MINAR1: variants seen among roughly 807,000 people sequenced by gnomAD.
The protein encoded by MINAR1 is major intrinsically disordered Notch2-binding receptor 1.
MINAR1 carries 40 observed loss-of-function variants against 65.1 expected under a neutral mutation model. The observed-to-expected ratio is 0.61, with a 90% confidence interval of 0.48 to 0.80. The LOEUF is 0.80. Among genes scored for constraint, MINAR1 ranks in the 30% least tolerant of loss-of-function variants. MINAR1 has a pLI of 0.00. For missense variants in MINAR1, 1,128 were observed against 1,148.0 expected (o/e 0.98, Z 0.25); for synonymous variants, 482 against 449.1 (o/e 1.07, Z -0.93).
rs892126486 is a variant in MINAR1 at position 79,469,547 on chromosome 15, A to G, written c.*1163A>G. ...TAACCACTTATCTATATGTCTATCT[A>G]TCTATCTATATGTCTATCTATCTAT... On this transcript the variant is annotated 3_prime_UTR_variant, in exon 4 of 4. Transcript: ENST00000305428. The G allele has an allele frequency of 1.3e-5, 2 of 151,596 alleles. No individual in the cohort carries two copies. Among genetic ancestry groups the G allele is most frequent in the African/African-American group, 4.9e-5 (2 of 40,886 alleles). 9.4% of individuals were successfully genotyped at this position (151,596 alleles called of 1,614,324 possible).
Position 79,456,780 on chromosome 15 carries a change from G to A in MINAR1, c.633G>A (p.Met211Ile), listed in dbSNP as rs1203811152. The A allele has an allele frequency of 6.2e-7, 1 of 1,614,086 alleles. No individual in the cohort carries two copies. The highest frequency in any genetic ancestry group is 1.3e-5 in the African/African-American group (1 of 74,928). ...TGACCAGCCCTCAGCCCTGTGAGAT[G>A]CAGAGGACCTACTTCCCCATGAACA... ...YSVTSPQPCE[M>I]QRTYFPMNIE... is the part of the protein sequence containing the mutation. The change falls in exon 2 of 4, where the codon ATG becomes ATA. Residue 211 changes from methionine to isoleucine, a missense_variant. Transcript: ENST00000305428.
chr15:79,471,336 T>G lies in MINAR1; in HGVS notation c.*2952T>G, dbSNP rs1170722140. ...GAAATTAAATATCCTTAACCAATGATTAAATTCATAATCATTTCATCTTCT... is the reference window on the plus strand; with the variant it reads ...GAAATTAAATATCCTTAACCAATGAGTAAATTCATAATCATTTCATCTTCT... On this transcript the variant is annotated 3_prime_UTR_variant, in exon 4 of 4. Coordinates refer to ENST00000305428, the MANE Select transcript of MINAR1 (RefSeq NM_015206.3). 6.5e-6 allele frequency: 1 copy of G among 152,682 alleles called. No individual in the cohort carries two copies. Among genetic ancestry groups the G allele is most frequent in the Non-Finnish European group, 1.5e-5 (1 of 68,048 alleles). 9.5% of individuals were successfully genotyped at this position (152,682 alleles called of 1,614,324 possible).
rs1895976239 is a variant in MINAR1 at position 79,468,991 on chromosome 15, A to T, written c.*607A>T. On this transcript the variant is annotated 3_prime_UTR_variant, in exon 4 of 4. Coordinates refer to ENST00000305428, the MANE Select transcript of MINAR1 (RefSeq NM_015206.3). The stretch of plus-strand genomic sequence containing the variant: ...GCAGATCTTCATGGAAACATTCTGG[A>T]CCTTCTTCCTTGCACTTGGAGTGAG... 1 of 156,064 alleles carries T rather than the reference A, an allele frequency of 6.4e-6. No homozygotes were observed. The highest frequency in any genetic ancestry group is 2.0e-4 in the South Asian group (1 of 5,066). The allele number at this position is 156,064 out of a possible 1,614,324, so 9.7% of individuals were successfully genotyped here.
In MINAR1 at chr15:79,461,867, C is replaced by T. The variant is rs149519058; in HGVS notation, c.2299-1200C>T. On this transcript the variant is annotated intron_variant, in intron 2 of 3. Coordinates refer to ENST00000305428, the MANE Select transcript of MINAR1 (RefSeq NM_015206.3). ...TCCAGCCCCTATGCAAGCATATGAT[C>T]CACACACTCACACACACTCCAGGTG... 5.1e-3 allele frequency among the ~76,000 whole-genome samples: 771 copies of T among 152,102 alleles called. 4 individuals are homozygous for T. The highest frequency in any genetic ancestry group is 8.8e-3 in the Non-Finnish European group (598 of 67,968).
chr15:79,430,286 ATGGTTTT>A (rs1290930624), upstream of MINAR1, among the ~76,000 whole-genome samples: 4 of 152,188 alleles, frequency 2.6e-5, no homozygotes, highest in African/African-American at 9.7e-5. Context: ...TCAGGAAGCT[ATGGTTTT>A]TCCTTCTAGA....
rs1896011154 is a variant in MINAR1 at position 79,469,823 on chromosome 15, A to C, written c.*1439A>C. On this transcript the variant is annotated 3_prime_UTR_variant, in exon 4 of 4. Coordinates refer to ENST00000305428, the MANE Select transcript of MINAR1 (RefSeq NM_015206.3). ...ATATATTTTTTGATAATAAGGTGGG[A>C]TATAAATAGATTTTGGTAGCAAGTG... The C allele has an allele frequency of 6.6e-6, 1 of 152,650 alleles. No homozygotes were observed. Among genetic ancestry groups the C allele is most frequent in the African/African-American group, 2.4e-5 (1 of 41,458 alleles). 9.5% of individuals were successfully genotyped at this position (152,650 alleles called of 1,614,324 possible).
At chr15:79,441,920 T>C (rs1894880682) in intron 1 of MINAR1, among the ~76,000 whole-genome samples, 1 of 152,152 alleles carries the variant, frequency 6.6e-6, no homozygotes, top group Admixed American at 6.5e-5. Context: ...TTGCACATTT[T>C]TCTTTGCCTT....
chr15:79,445,366 CTAA>C (rs990310647), intron 1 of MINAR1, among the ~76,000 whole-genome samples: 7 of 152,062 alleles, frequency 4.6e-5, no homozygotes, highest in African/African-American at 1.7e-4. Flanking sequence ...CAACTAATAA[CTAA>C]TAAATCACAT....
chr15:79,424,956 G>C, the MINAR1 span: 1 of 152,112 alleles, frequency 6.6e-6, no homozygotes, highest in Non-Finnish European at 1.5e-5. Flanking sequence ...CAAAAACAAT[G>C]ACATCTATAA....
chr15:79,439,217 GGGTGTGGGTGTGT>G, intron 1 of MINAR1, among the ~76,000 whole-genome samples: 1 of 58,078 alleles, frequency 1.7e-5, no homozygotes, highest in Non-Finnish European at 3.8e-5. Context: ...TGAGTGTGTG[GGGTGTGGGTGTGT>G]GTAGGTTGTG....
Position 79,471,691 on chromosome 15 carries a change from G to T in MINAR1, c.*3307G>T, listed in dbSNP as rs1015157265. The T allele has an allele frequency of 1.1e-4, 16 of 152,190 alleles. No homozygotes were observed. Among genetic ancestry groups the T allele is most frequent in the Admixed American group, 9.2e-4 (14 of 15,250 alleles). The allele number at this position is 152,190 out of a possible 1,614,324, so 9.4% of individuals were successfully genotyped here. On this transcript the variant is annotated 3_prime_UTR_variant, in exon 4 of 4. Coordinates refer to ENST00000305428, the MANE Select transcript of MINAR1 (RefSeq NM_015206.3). ...TTTACAAGTTATCAAGATAAGAGCA[G>T]TGGCATCACATTTGTTGTTGTTGTT... is the stretch of plus-strand genomic sequence containing the variant.
In MINAR1 at chr15:79,457,761, G is replaced by A. The variant is rs778587226; in HGVS notation, c.1614G>A (p.Gln538=). 1.2e-6 allele frequency: 2 copies of A among 1,614,188 alleles called. No homozygotes were observed. The highest frequency in any genetic ancestry group is 1.6e-4 in the Middle Eastern group (1 of 6,062). The change falls in exon 2 of 4, where the codon CAG becomes CAA. Residue 538 remains glutamine (Q), a synonymous_variant. Coordinates refer to ENST00000305428, the MANE Select transcript of MINAR1 (RefSeq NM_015206.3). ...TCAGTGGCTCCACGGGAGTGATACAGTCGTCCTGCTACAACAGCACAGGAT... is the reference window on the plus strand; with the variant it reads ...TCAGTGGCTCCACGGGAGTGATACAATCGTCCTGCTACAACAGCACAGGAT... ...MSISGSTGVI[Q]SSCYNSTGSL...
chr15:79,467,388 G>A (rs2141309450), intron 3 of MINAR1, among the ~76,000 whole-genome samples: 1 of 152,364 alleles, frequency 6.6e-6, no homozygotes, highest in South Asian at 2.1e-4. Flanking sequence ...GCCATAAAAT[G>A]AGAACACTGC....
Position 79,471,914 on chromosome 15 carries a change from C to CAAAG in MINAR1, c.*3532_*3535dup, listed in dbSNP as rs1460326432. The CAAAG allele has an allele frequency of 2.6e-5, 4 of 152,332 alleles. No individual in the cohort carries two copies. Among genetic ancestry groups the CAAAG allele is most frequent in the African/African-American group, 7.3e-5 (3 of 41,356 alleles). The allele number at this position is 152,332 out of a possible 1,614,324, so 9.4% of individuals were successfully genotyped here. On this transcript the variant is annotated 3_prime_UTR_variant, in exon 4 of 4. Coordinates refer to ENST00000305428, the MANE Select transcript of MINAR1 (RefSeq NM_015206.3). ...TACTATGAAAATTTGTATTTAAAGG[C>CAAAG]AAAGATACAAGTAATTGTTGGTATA...
chr15:79,454,136 T>C (rs951089974), intron 1 of MINAR1, among the ~76,000 whole-genome samples: 3 of 152,182 alleles, frequency 2.0e-5, no homozygotes, highest in Admixed American at 1.3e-4. Flanking sequence ...ATCAGACGGA[T>C]TGGAAGGCTG....
rs541128113 is a variant in MINAR1, at chr15:79,469,471, C to G, written c.*1087C>G. On this transcript the variant is annotated 3_prime_UTR_variant, in exon 4 of 4. Coordinates refer to ENST00000305428, the MANE Select transcript of MINAR1 (RefSeq NM_015206.3). ...GAGGTCTTCTCAGTTACCCCAACAC[C>G]TACTCCAGAGTTTTGAATACTTGTC... is the stretch of plus-strand genomic sequence containing the variant. 4 of 152,520 alleles carry G rather than the reference C, an allele frequency of 2.6e-5. No homozygotes were observed. In the East Asian group the frequency reaches 7.7e-4, roughly 29 times the overall value. 9.4% of individuals were successfully genotyped at this position (152,520 alleles called of 1,614,324 possible).
upstream of MINAR1, among the ~76,000 whole-genome samples, chr15:79,429,354 T>C (rs997269580): frequency 3.3e-5 from 5 of 152,260 alleles, no homozygotes; most frequent in Non-Finnish European, 5.9e-5. Context: ...CCAGGTCAAG[T>C]GATTTGTCCA....
Position 79,456,910 on chromosome 15 carries a change from C to A in MINAR1, c.763C>A (p.Gln255Lys), listed in dbSNP as rs767714296. The change falls in exon 2 of 4, where the codon CAG becomes AAG. Residue 255 changes from glutamine to lysine, a missense_variant. Transcript: ENST00000305428. ...EEPFVVQSCV[Q>K]KRNIFKEDFH... Reference sequence around the variant, plus strand: ...GCCATTTGTGGTCCAGTCCTGTGTCCAGAAAAGGAATATCTTCAAAGAGGA... The same window carrying A: ...GCCATTTGTGGTCCAGTCCTGTGTCAAGAAAAGGAATATCTTCAAAGAGGA... The A allele has an allele frequency of 6.2e-7, 1 of 1,614,112 alleles. No homozygotes were observed. The highest frequency in any genetic ancestry group is 8.5e-7 in the Non-Finnish European group (1 of 1,180,026).
chr15:79,429,530 A>C (rs760330578), upstream of MINAR1, among the ~76,000 whole-genome samples: 3 of 152,232 alleles, frequency 2.0e-5, no homozygotes, highest in Non-Finnish European at 4.4e-5. Flanking sequence ...GAAACAGAGG[A>C]AAATGTGGAG....
Sources: gnomAD v4.1 joint callset for allele counts (sites outside exome capture counted in the v4.1 genomes callset) on GRCh38, gnomAD v4.1.1 for gene constraint, MANE v1.5 for transcripts, NCBI Gene and HGNC (gene_info 2026-07-23, HGNC 2026-07-21) for gene names.